TEX15: variants seen among roughly 807,000 people sequenced by gnomAD.
TEX15 encodes the protein testis expressed 15, meiosis and synapsis associated.
TEX15 carries 171 observed loss-of-function variants against 237.3 expected under a neutral mutation model. That is an observed-to-expected ratio of 0.72 (90% CI 0.64 to 0.82). TEX15 has a LOEUF of 0.82. Ranked by LOEUF, TEX15 falls within the 40% of genes least tolerant of loss-of-function variation. The pLI is 0.00. For missense variants in TEX15, 3,750 were observed against 3,646.5 expected, an observed-to-expected ratio of 1.03 and a Z score of -0.73; for synonymous variants, 1,338 against 1,269.8, an observed-to-expected ratio of 1.05 and a Z score of -1.14.
chr8:30,907,255 C>T (rs892778403), intron 1 of TEX15, among the ~76,000 whole-genome samples: 5 of 152,038 alleles, frequency 3.3e-5, no homozygotes, highest in Admixed American at 2.0e-4. Flanking sequence ...GAGTCAAGTT[C>T]ATTTCTCTGC....
Position 30,842,423 on chromosome 8 carries a change from T to C in TEX15, c.7744A>G (p.Thr2582Ala). ...IASINYGSTV[T>A]ELEYNYNQFS... is the part of the protein sequence containing the mutation. Reference sequence around the variant, plus strand: ...TGATTGTAGTTGTATTCTAACTCTGTCACAGTGCTTCCATAATTTATGGAT... The same window carrying C: ...TGATTGTAGTTGTATTCTAACTCTGCCACAGTGCTTCCATAATTTATGGAT... Residue 2582 changes from threonine to alanine, a missense_variant, in exon 8 of 11, where the codon ACA (threonine) becomes GCA (alanine). Coordinates refer to ENST00000643185, the MANE Select transcript of TEX15 (RefSeq NM_001350162.2). 1 of 1,613,666 alleles carries C rather than the reference T, an allele frequency of 6.2e-7. No homozygotes were observed. Among genetic ancestry groups the C allele is most frequent in the Non-Finnish European group, 8.5e-7 (1 of 1,179,794 alleles).
At chr8:30,867,121 A>G (rs1362304080) in intron 5 of TEX15, 144 bp downstream of exon 5, 1 of 331,350 alleles carries the variant, frequency 3.0e-6, no homozygotes, top group Non-Finnish European at 5.3e-6. Context: ...TTGAATAATG[A>G]TGACAAAAAT....
chr8:30,848,566 T>C lies in TEX15; in HGVS notation c.1601A>G (p.Asp534Gly). 2 of 1,614,152 alleles carry C rather than the reference T, an allele frequency of 1.2e-6. No homozygotes were observed. Among genetic ancestry groups the C allele is most frequent in the Non-Finnish European group, 1.7e-6 (2 of 1,180,018 alleles). The change falls in exon 8 of 11, where the codon GAC becomes GGC. Residue 534 changes from aspartate to glycine, a missense_variant. Coordinates refer to ENST00000643185, the MANE Select transcript of TEX15 (RefSeq NM_001350162.2). ...AATTGGGAAGGAAAAATTACCTTGGTCCTTACATTGCCCTGCCATGGTAAC... is the reference window on the plus strand; with the variant it reads ...AATTGGGAAGGAAAAATTACCTTGGCCCTTACATTGCCCTGCCATGGTAAC... ...NKVTMAGQCK[D>G]QGNFSFPISV...
rs769647475 is a variant in TEX15, at chr8:30,837,652, C to A, written c.8632G>T (p.Asp2878Tyr). The A allele has an allele frequency of 6.2e-7, 1 of 1,614,006 alleles. No homozygotes were observed. Among genetic ancestry groups the A allele is most frequent in the South Asian group, 1.1e-5 (1 of 91,038 alleles). ...GAAACATCAGTTTCTGGGTTTATAT[C>A]AGAAAGGCAGGATTTTTGGGTGGGA... is the stretch of plus-strand genomic sequence containing the variant. Reference protein sequence around the residue: ...PDPTQKSCLSDINPETDVSLV... With the variant: ...PDPTQKSCLSYINPETDVSLV... Residue 2878 changes from aspartate to tyrosine, a missense_variant, in exon 10 of 11, where the codon GAT becomes TAT. Transcript: ENST00000643185.
chr8:30,844,533 C>A lies in TEX15; in HGVS notation c.5634G>T (p.Gln1878His), dbSNP rs1452601472. 1.9e-6 allele frequency: 3 copies of A among 1,612,442 alleles called. No homozygotes were observed. The South Asian group carries it at 3.3e-5, about 18-fold the overall frequency. The change falls in exon 8 of 11, where the codon CAG becomes CAT. Residue 1878 changes from glutamine (Q) to histidine (H), a missense_variant. Coordinates refer to ENST00000643185, the MANE Select transcript of TEX15 (RefSeq NM_001350162.2). ...CATTTAAGCAGGATTCTTCTGAGAT[C>A]TGATTCTTTTGATTTTTGTACTCAG... ...VNTEYKNQKNQISEESCLNEK... is the reference protein window; with the variant it reads ...VNTEYKNQKNHISEESCLNEK...
chr8:30,909,566 A>G (rs1410197911), intron 1 of TEX15, among the ~76,000 whole-genome samples: 1 of 152,166 alleles, frequency 6.6e-6, no homozygotes, highest in Non-Finnish European at 1.5e-5. Flanking sequence ...AGCAATCATC[A>G]AATTTACATA....
rs1278552387 is a variant in TEX15 at position 30,846,800 on chromosome 8, C to T, written c.3367G>A (p.Glu1123Lys). 8 of 1,613,626 alleles carry T rather than the reference C, an allele frequency of 5.0e-6. No homozygotes were observed. Among genetic ancestry groups the T allele is most frequent in the Middle Eastern group, 3.3e-4 (2 of 6,084 alleles). ...MEVLESTTGRENSDQHYSKES... is the reference protein window; with the variant it reads ...MEVLESTTGRKNSDQHYSKES... ...TTAGAATAATGCTGATCACTATTCT[C>T]CCTTCCTGTGGTGCTTTCCAAAACT... The change falls in exon 8 of 11, where the codon GAG becomes AAG. Residue 1123 changes from glutamate (E) to lysine (K), a missense_variant. Glu to Lys is a moderately conservative substitution (Grantham distance 56). Coordinates refer to ENST00000643185, the MANE Select transcript of TEX15 (RefSeq NM_001350162.2).
intron 5 of TEX15, among the ~76,000 whole-genome samples, chr8:30,862,093 T>C (rs551498487): frequency 5.9e-5 from 9 of 152,128 alleles, no homozygotes; most frequent in Admixed American, 1.3e-4. Context: ...CTCAGGACAG[T>C]TGAGCATTAC....
At chr8:30,855,719 T>C (rs1028698211) in intron 7 of TEX15, among the ~76,000 whole-genome samples, 2 of 152,164 alleles carry the variant, frequency 1.3e-5, no homozygotes, top group Non-Finnish European at 2.9e-5. Flanking sequence ...AAATACAATA[T>C]GGTGTATCTA....
At chr8:30,879,715 A>G (rs1316069262) in intron 3 of TEX15, among the ~76,000 whole-genome samples, 3 of 152,158 alleles carry the variant, frequency 2.0e-5, no homozygotes, top group African/African-American at 7.2e-5. Context: ...GTATTTCCAT[A>G]TACTTCTTCT....
chr8:30,848,621 C>G lies in TEX15; in HGVS notation c.1546G>C (p.Glu516Gln). The G allele has an allele frequency of 6.2e-7, 1 of 1,614,136 alleles. No individual in the cohort carries two copies. Among genetic ancestry groups the G allele is most frequent in the Non-Finnish European group, 8.5e-7 (1 of 1,180,018 alleles). The part of the protein sequence containing the change: ...SQSWAHNMGS[E>Q]DYDCIPPNKV... Reference sequence around the variant, plus strand: ...TTGGGAGGTATACAGTCATAGTCCTCAGAGCCCATGTTGTGAGCCCAAGAT... The same window carrying G: ...TTGGGAGGTATACAGTCATAGTCCTGAGAGCCCATGTTGTGAGCCCAAGAT... The change falls in exon 8 of 11, where the codon GAG becomes CAG. Residue 516 changes from glutamate to glutamine, a missense_variant. Glu to Gln is a conservative substitution (Grantham distance 29, BLOSUM62 2). Transcript: ENST00000643185.
intron 7 of TEX15, among the ~76,000 whole-genome samples, chr8:30,854,370 T>G (rs1214292920): frequency 1.3e-5 from 2 of 150,074 alleles, no homozygotes; most frequent in Non-Finnish European, 3.0e-5. Flanking sequence ...TATAAGCAAA[T>G]GTATGCTAAT....
At chr8:30,854,780 G>T (rs566934824) in intron 7 of TEX15, among the ~76,000 whole-genome samples, 23 of 152,078 alleles carry the variant, frequency 1.5e-4, no homozygotes, top group African/African-American at 5.5e-4. Flanking sequence ...CATATAAAAT[G>T]AATTATACAC....
In TEX15 at chr8:30,837,242, T is replaced by A. The variant is rs138707908; in HGVS notation, c.9042A>T (p.Thr3014=). Reference sequence around the variant, plus strand: ...CAGACTGTGGAAGTTCATTCCAATATGTGGCAGCATTCTGCATTAGGACTT... The same window carrying A: ...CAGACTGTGGAAGTTCATTCCAATAAGTGGCAGCATTCTGCATTAGGACTT... ...NSKVLMQNAA[T]YWNELPQSAC... is the part of the protein sequence containing the mutation. Residue 3014 remains threonine (T), a synonymous_variant, in exon 10 of 11, where the codon ACA becomes ACT. Transcript: ENST00000643185. 1.2e-6 allele frequency: 2 copies of A among 1,614,162 alleles called. No individual in the cohort carries two copies. The highest frequency in any genetic ancestry group is 1.3e-5 in the African/African-American group (1 of 75,076).
chr8:30,849,937 T>C (rs540735804), intron 7 of TEX15, among the ~76,000 whole-genome samples: 2 of 152,086 alleles, frequency 1.3e-5, no homozygotes, highest in South Asian at 4.2e-4. Flanking sequence ...TAAAACTAAA[T>C]AGGAATAAAA....
intron 1 of TEX15, among the ~76,000 whole-genome samples, chr8:30,905,264 C>CAA (rs34972353): frequency 5.4e-4 from 56 of 104,202 alleles, no homozygotes; most frequent in African/African-American, 7.6e-4. Flanking sequence ...AAAAAGACTT[C>CAA]AAAAAAAAAA....
rs1262983883 is a variant in TEX15 at position 30,846,063 on chromosome 8, T to C, written c.4104A>G (p.Ala1368=). The C allele has an allele frequency of 2.5e-6, 4 of 1,613,334 alleles. No individual in the cohort carries two copies. Among genetic ancestry groups the C allele is most frequent in the Non-Finnish European group, 3.4e-6 (4 of 1,179,618 alleles). The change falls in exon 8 of 11, where the codon GCA becomes GCG. Residue 1368 remains alanine, a synonymous_variant. Transcript: ENST00000643185. ...AAAGACATTTGCTTTTACATAAAGA[T>C]GCTTCATCACTTAGGATATTTAGGA... ...KSVLNILSDE[A]SLCKSKCLSR...
At chr8:30,850,551 G>A (rs574863453) in intron 7 of TEX15, among the ~76,000 whole-genome samples, 88 of 152,086 alleles carry the variant, frequency 5.8e-4, no homozygotes, top group Non-Finnish European at 9.6e-4. Flanking sequence ...ACTACCATTT[G>A]TGATTTTATT....
chr8:30,880,565 CATTT>C (rs778112457), intron 3 of TEX15, among the ~76,000 whole-genome samples: 2 of 152,104 alleles, frequency 1.3e-5, no homozygotes, highest in Admixed American at 1.3e-4. Context: ...GATCCACTTC[CATTT>C]AAGGAATAGT....
Sources: allele counts gnomAD v4.1 joint callset (sites outside exome capture counted in the v4.1 genomes callset), GRCh38; gene constraint gnomAD v4.1.1; transcripts MANE v1.5; gene names NCBI Gene and HGNC (gene_info 2026-07-23, HGNC 2026-07-21).